Variants in COLEC12 observed in about 807,000 individuals in gnomAD.
COLEC12 encodes the protein collectin-12.
In COLEC12, 33 loss-of-function variants were observed where a neutral mutation model predicts 71.1. The observed-to-expected ratio is 0.46, with a 90% CI of 0.35 to 0.62. COLEC12 has a LOEUF of 0.62. Ranked by LOEUF, COLEC12 falls within the 20% of genes least tolerant of loss-of-function variation. The pLI is 0.00. For missense variants in COLEC12, 765 were observed against 916.1 expected (o/e 0.84, Z 2.13); for synonymous variants, 350 against 353.0 (o/e 0.99, Z 0.10).
rs938148876 is a variant in COLEC12 at position 373,897 on chromosome 18, C to T, written c.59-16375G>A. ...TATTCACTGTACTCTGCTGTGAAGA[C>T]GCTACAACCTCCCTGTTAAGTCATG... On this transcript the variant is annotated intron_variant, in intron 2 of 9. Transcript: ENST00000400256. Among the ~76,000 whole-genome samples, 35 of 152,282 alleles carry T rather than the reference C, an allele frequency of 2.3e-4. 1 individual carries two copies. Among genetic ancestry groups the T allele is most frequent in the South Asian group, 1.9e-3 (9 of 4,826 alleles).
At position 399,480 on chromosome 18, in the gene COLEC12, C is replaced by T. The variant is rs564102623; in HGVS notation, c.59-41958G>A. 2.6e-5 allele frequency among the ~76,000 whole-genome samples: 4 copies of T among 152,328 alleles called. No individual in the cohort carries two copies. The highest frequency in any genetic ancestry group is 1.9e-4 in the East Asian group (1 of 5,180). On this transcript the variant is annotated intron_variant, in intron 2 of 9. Transcript: ENST00000400256. This position sits in a 1 kb window ranked among gnomAD's most constrained non-coding sequence, Gnocchi z 4.0. ...CAGGCCACACTCTGCTGTTTCCTACCGTGTCATTCACTAATGTATTCATTT... is the reference window on the plus strand; with the variant it reads ...CAGGCCACACTCTGCTGTTTCCTACTGTGTCATTCACTAATGTATTCATTT...
rs775651763 is a variant in COLEC12 at position 347,345 on chromosome 18, G to A, written c.281-4C>T. 1 of 1,608,514 alleles carries A rather than the reference G, an allele frequency of 6.2e-7. No individual in the cohort carries two copies. The highest frequency in any genetic ancestry group is 8.5e-7 in the Non-Finnish European group (1 of 1,176,152). On this transcript the variant is annotated splice_polypyrimidine_tract_variant and splice_region_variant and intron_variant, in intron 4 of 9. Coordinates refer to ENST00000400256, the MANE Select transcript of COLEC12 (RefSeq NM_130386.3). ...GCTTTCTTCCCAGTTTGGTCACCTG[G>A]AATAAGAAATATCTGTGACTTATAT...
intron 2 of COLEC12, among the ~76,000 whole-genome samples, chr18:450,059 C>T (rs180809194): frequency 2.1e-4 from 32 of 152,256 alleles, no homozygotes; most frequent in Non-Finnish European, 4.1e-4. Flanking sequence ...AGAAATTAGG[C>T]ATAGATTGCC....
chr18:445,281 A>G (rs1277748954), intron 2 of COLEC12, among the ~76,000 whole-genome samples: 2 of 152,138 alleles, frequency 1.3e-5, no homozygotes, highest in Non-Finnish European at 2.9e-5. Flanking sequence ...ATCATTATCC[A>G]TCTCTCCTAG....
At chr18:489,664 A>G (rs537123317) in intron 1 of COLEC12, among the ~76,000 whole-genome samples, 19 of 152,182 alleles carry the variant, frequency 1.2e-4, no homozygotes, top group African/African-American at 3.9e-4. Context: ...CGTGGGGGGG[A>G]AACAAAAAGC....
chr18:321,029 A>G (rs1277724022), intron 9 of COLEC12, among the ~76,000 whole-genome samples: 1 of 152,198 alleles, frequency 6.6e-6, no homozygotes, highest in Non-Finnish European at 1.5e-5. Context: ...ATGGATGTCT[A>G]CGGAAAAGAA....
chr18:444,086 C>T (rs1246180960), intron 2 of COLEC12, among the ~76,000 whole-genome samples: 1 of 152,136 alleles, frequency 6.6e-6, no homozygotes, highest in African/African-American at 2.4e-5. Context: ...TTATAAATTA[C>T]CCAGCCTCAG....
chr18:366,096 G>A (rs1914850616), intron 2 of COLEC12, among the ~76,000 whole-genome samples: 1 of 152,152 alleles, frequency 6.6e-6, no homozygotes, highest in Admixed American at 6.5e-5. Context: ...TAGTTATACT[G>A]GTGAACACAA....
chr18:431,294 C>T (rs72863568), intron 2 of COLEC12, among the ~76,000 whole-genome samples: 8,104 of 152,104 alleles, frequency 0.053, 432 homozygotes, highest in African/African-American at 0.14. Flanking sequence ...TGAGCTGCCA[C>T]GCCCAACCTA....
At chr18:485,250 A>C (rs182994007) in intron 1 of COLEC12, among the ~76,000 whole-genome samples, 136 of 152,328 alleles carry the variant, frequency 8.9e-4, no homozygotes, top group African/African-American at 3.1e-3. Flanking sequence ...TTCTGAGGTC[A>C]GTCTCTTTAG....
At position 480,638 on chromosome 18, in the gene COLEC12, G is replaced by T; in HGVS notation, c.58+69C>A. On this transcript the variant is annotated intron_variant, in intron 2 of 9. Coordinates refer to ENST00000400256, the MANE Select transcript of COLEC12 (RefSeq NM_130386.3). This position sits in a 1 kb window ranked among gnomAD's most constrained non-coding sequence, Gnocchi z 4.1. ...AGGGCCTGCCAGTGGCCTGCCAATG[G>T]TCTCTGAGGGTTCGTGGCTGCATCC... 7.2e-7 allele frequency: 1 copy of T among 1,380,436 alleles called. No individual in the cohort carries two copies. The highest frequency in any genetic ancestry group is 1.0e-6 in the Non-Finnish European group (1 of 966,782). 85.5% of individuals were successfully genotyped at this position (1,380,436 alleles called of 1,614,324 possible). A position where few individuals can be genotyped will look rare whatever the true frequency, so the allele number is the denominator to read the frequency against.
intron 2 of COLEC12, among the ~76,000 whole-genome samples, chr18:370,707 C>G (rs572724575): frequency 6.6e-6 from 1 of 152,096 alleles, no homozygotes; most frequent in Admixed American, 6.5e-5. Context: ...CACCACACAA[C>G]GGGATCCCAG....
At chr18:363,775 A>T (rs1914797811) in intron 2 of COLEC12, among the ~76,000 whole-genome samples, 1 of 152,238 alleles carries the variant, frequency 6.6e-6, no homozygotes, top group African/African-American at 2.4e-5. Context: ...CCTTATGATG[A>T]AGGCTATTTA....
rs1213593164 is a variant in COLEC12, at chr18:497,942, C to G, written c.7+2566G>C. Among the ~76,000 whole-genome samples, 3 of 152,218 alleles carry G rather than the reference C, an allele frequency of 2.0e-5. No homozygotes were observed. In the East Asian group the frequency reaches 5.8e-4, roughly 29 times the overall value. ...ATGCAACTGGTTGGCTCCACCTCTT[C>G]CTGGATACAGCACCAATTGTGGGTT... is the stretch of plus-strand genomic sequence containing the variant. On this transcript the variant is annotated intron_variant, in intron 1 of 9. Coordinates refer to ENST00000400256, the MANE Select transcript of COLEC12 (RefSeq NM_130386.3).
chr18:337,151 G>T (rs565012442), intron 5 of COLEC12, among the ~76,000 whole-genome samples: 1 of 152,108 alleles, frequency 6.6e-6, no homozygotes, highest in African/African-American at 2.4e-5. Context: ...GATTACAGGT[G>T]TGAGCCACTG....
In COLEC12 at chr18:362,871, C is replaced by A. The variant is rs4797117; in HGVS notation, c.59-5349G>T. Among the ~76,000 whole-genome samples the A allele has an allele frequency of 5.4e-3, 828 of 152,240 alleles. 28 individuals are homozygous for A. The highest frequency in any genetic ancestry group is 0.049 in the Admixed American group (748 of 15,286). ...TTCCAGTGTCCGAGTCTTTGTTATA[C>A]AAAAAAGTGTGGGGGCCCAGTGAAG... is the stretch of plus-strand genomic sequence containing the variant. On this transcript the variant is annotated intron_variant, in intron 2 of 9. Transcript: ENST00000400256. The surrounding 1 kb of genome is among the most constrained non-coding windows in gnomAD (Gnocchi z 4.6).
chr18:336,910 G>A (rs1233453251), intron 5 of COLEC12, among the ~76,000 whole-genome samples: 1 of 152,000 alleles, frequency 6.6e-6, no homozygotes, highest in African/African-American at 2.4e-5. Flanking sequence ...GGCTGGAGGA[G>A]AGTGGCATGA....
chr18:455,699 C>T (rs1329332491), intron 2 of COLEC12, among the ~76,000 whole-genome samples: 1 of 151,716 alleles, frequency 6.6e-6, no homozygotes, highest in Non-Finnish European at 1.5e-5. Context: ...TCCCTGTGTC[C>T]ATGTGTTCTC....
chr18:472,601 C>T (rs898178294), intron 2 of COLEC12, among the ~76,000 whole-genome samples: 17 of 146,278 alleles, frequency 1.2e-4, no homozygotes, highest in African/African-American at 4.3e-4. Flanking sequence ...GTGAGAGAAT[C>T]GCCTAAGCCC....
Sources: allele counts gnomAD v4.1 joint callset (sites outside exome capture counted in the v4.1 genomes callset), GRCh38; gene constraint gnomAD v4.1.1; non-coding constraint Gnocchi (gnomAD v3.1); transcripts MANE v1.5; gene names NCBI Gene and HGNC (gene_info 2026-07-23, HGNC 2026-07-21).